MYT1L: variants seen among roughly 807,000 people sequenced by gnomAD.
MYT1L encodes the protein myelin transcription factor 1 like.
In MYT1L, 12 loss-of-function variants were observed where a neutral mutation model predicts 126.7. The observed-to-expected ratio is 0.09, with a 90% confidence interval of 0.06 to 0.15. The LOEUF (loss-of-function observed/expected upper bound fraction) is 0.15. MYT1L is among the 10% of genes least tolerant of loss of function. MYT1L has a pLI of 1.00. For synonymous variants in MYT1L, 541 were observed against 604.2 expected (o/e 0.90, Z 1.53); for missense variants, 979 against 1,585.2 (o/e 0.62, Z 6.49).
At chr2:1,975,526 C>T (rs2060102677) in intron 8 of MYT1L, among the ~76,000 whole-genome samples, 2 of 152,116 alleles carry the variant, frequency 1.3e-5, no homozygotes, top group Admixed American at 6.5e-5. Flanking sequence ...GTTAGGAGTT[C>T]GAGACCATCC....
chr2:1,943,064 G>A lies in MYT1L; in HGVS notation c.423C>T (p.Asp141=), dbSNP rs766217505. 35 of 1,457,542 alleles carry A rather than the reference G, an allele frequency of 2.4e-5. No homozygotes were observed. The East Asian group carries it at 4.7e-4, about 20-fold the overall frequency. The allele number at this position is 1,457,542 out of a possible 1,614,324, so 90.3% of individuals were successfully genotyped here. The part of the protein sequence containing the change: ...EEEEIEEEDE[D]DDEDGEDVED... ...CCACATCTTCTCCATCCTCGTCATC[G>A]TCCTCATCCTCCTCCTCGATCTCCT... Residue 141 remains aspartate (D), a synonymous_variant, in exon 9 of 25, where the codon GAC becomes GAT. Coordinates refer to ENST00000647738, the MANE Select transcript of MYT1L (RefSeq NM_001303052.2). This position sits in a 1 kb window ranked among gnomAD's most constrained non-coding sequence, Gnocchi z 4.4.
intron 18 of MYT1L, among the ~76,000 whole-genome samples, chr2:1,855,591 C>T (rs1014702887): frequency 7.9e-5 from 12 of 152,310 alleles, no homozygotes; most frequent in African/African-American, 2.6e-4. Flanking sequence ...TTACCACGAA[C>T]AATAACAGCA....
intron 18 of MYT1L, among the ~76,000 whole-genome samples, chr2:1,875,913 C>T (rs371669392): frequency 1.3e-5 from 2 of 152,158 alleles, no homozygotes; most frequent in South Asian, 2.1e-4. Flanking sequence ...TGAAAGTGGG[C>T]CCCTATCTCT....
chr2:2,197,937 GCA>G (rs1256932737), intron 2 of MYT1L, among the ~76,000 whole-genome samples: 4 of 150,874 alleles, frequency 2.7e-5, no homozygotes, highest in East Asian at 3.9e-4. Flanking sequence ...ATATACACAT[GCA>G]CACACACATG....
rs1156234884 is a variant in MYT1L, at chr2:1,887,634, G to T, written c.2521-25C>A. ...GCTGTGGGCAAAACACAGCTTCAGA[G>T]CCACACGGATGATCACATGGCACAC... is the stretch of plus-strand genomic sequence containing the variant. On this transcript the variant is annotated intron_variant, in intron 16 of 24. Coordinates refer to ENST00000647738, the MANE Select transcript of MYT1L (RefSeq NM_001303052.2). This position sits in a 1 kb window ranked among gnomAD's most constrained non-coding sequence, Gnocchi z 4.8. The T allele has an allele frequency of 6.2e-7, 1 of 1,613,936 alleles. No individual in the cohort carries two copies. The highest frequency in any genetic ancestry group is 8.5e-7 in the Non-Finnish European group (1 of 1,179,860).
chr2:2,227,710 C>A (rs894502128), intron 2 of MYT1L, among the ~76,000 whole-genome samples: 1 of 152,174 alleles, frequency 6.6e-6, no homozygotes, highest in African/African-American at 2.4e-5. Flanking sequence ...ATGTTCACTA[C>A]CATTGTTTTA....
intron 1 of MYT1L, among the ~76,000 whole-genome samples, chr2:2,307,580 C>T (rs1269275233): frequency 6.6e-6 from 1 of 152,056 alleles, no homozygotes; most frequent in Non-Finnish European, 1.5e-5. Context: ...ATTGAGAGAA[C>T]AAAGTCATAA....
chr2:2,190,454 CT>C (rs1268932252), intron 2 of MYT1L, among the ~76,000 whole-genome samples: 1 of 56,652 alleles, frequency 1.8e-5, no homozygotes, highest in African/African-American at 2.0e-4. Context: ...GTCTGTATGC[CT>C]ATTTTTTTTT....
intron 2 of MYT1L, among the ~76,000 whole-genome samples, chr2:2,280,153 T>A (rs2095427419): frequency 6.6e-6 from 1 of 152,118 alleles, no homozygotes; most frequent in Non-Finnish European, 1.5e-5. Context: ...GTAGAAAGTG[T>A]TAGATTTTCT....
At chr2:1,942,426 C>A (rs565463599) in intron 9 of MYT1L, among the ~76,000 whole-genome samples, 1 of 152,236 alleles carries the variant, frequency 6.6e-6, no homozygotes, top group South Asian at 2.1e-4. Flanking sequence ...AGCAGATGAC[C>A]GGCTGATTAT....
At chr2:2,192,651 A>G (rs2092647599) in intron 2 of MYT1L, among the ~76,000 whole-genome samples, 1 of 151,894 alleles carries the variant, frequency 6.6e-6, no homozygotes, top group African/African-American at 2.4e-5. Context: ...TTTCTGTCTC[A>G]CCCAAATTTG....
chr2:2,285,105 G>T (rs1188726446), intron 1 of MYT1L, among the ~76,000 whole-genome samples: 1 of 152,218 alleles, frequency 6.6e-6, no homozygotes, highest in South Asian at 2.1e-4. Context: ...GAGTCCCTAG[G>T]TCTCCGTCCT....
At chr2:2,304,286 C>T (rs1003605387) in intron 1 of MYT1L, among the ~76,000 whole-genome samples, 3 of 152,134 alleles carry the variant, frequency 2.0e-5, no homozygotes, top group Non-Finnish European at 4.4e-5. Flanking sequence ...AATTCATTAG[C>T]GAGTAGCCTG....
chr2:1,956,573 ATTCTATCT>A (rs1434979188), intron 8 of MYT1L, among the ~76,000 whole-genome samples: 1 of 106,498 alleles, frequency 9.4e-6, no homozygotes, highest in Non-Finnish European at 1.9e-5. Context: ...TATATTTCCT[ATTCTATCT>A]ATCTATCTAT....
At chr2:2,169,350 C>A (rs2089652061) in intron 3 of MYT1L, among the ~76,000 whole-genome samples, 1 of 152,122 alleles carries the variant, frequency 6.6e-6, no homozygotes, top group South Asian at 2.1e-4. Context: ...TTACCATGTA[C>A]AATACTACCT....
intron 23 of MYT1L, among the ~76,000 whole-genome samples, chr2:1,798,694 G>A (rs2034278838): frequency 6.6e-6 from 1 of 152,248 alleles, no homozygotes; most frequent in African/African-American, 2.4e-5. Flanking sequence ...CCCTGAGGGT[G>A]TGCGGGCCTG....
chr2:1,891,796 G>A (rs2048915980), intron 15 of MYT1L, among the ~76,000 whole-genome samples: 1 of 152,214 alleles, frequency 6.6e-6, no homozygotes, highest in African/African-American at 2.4e-5. Flanking sequence ...ATTCACGCAC[G>A]TTCATCTACA....
At chr2:2,180,762 C>G (rs2091365261) in intron 2 of MYT1L, among the ~76,000 whole-genome samples, 1 of 142,792 alleles carries the variant, frequency 7.0e-6, no homozygotes, top group Admixed American at 7.1e-5. Context: ...GTGCATGTAC[C>G]TGTACCTGTA....
At chr2:2,293,853 C>T (rs2095634777) in intron 1 of MYT1L, among the ~76,000 whole-genome samples, 1 of 152,194 alleles carries the variant, frequency 6.6e-6, no homozygotes, top group Non-Finnish European at 1.5e-5. Flanking sequence ...TTGGAAGGAA[C>T]TCAGGCTTGT....
Sources: gnomAD v4.1 joint callset for allele counts (sites outside exome capture counted in the v4.1 genomes callset) on GRCh38, gnomAD v4.1.1 for gene constraint, Gnocchi (gnomAD v3.1) non-coding constraint, MANE v1.5 for transcripts, NCBI Gene and HGNC (gene_info 2026-07-23, HGNC 2026-07-21) for gene names.